Variants in NPFFR2 observed in about 807,000 individuals in gnomAD.
The protein encoded by NPFFR2 is G-protein coupled receptor 74.
Under a neutral mutation model 13.1 loss-of-function variants are expected in NPFFR2, and 15 were observed. That is an observed-to-expected ratio of 1.15 (90% CI 0.77 to 1.76). The LOEUF (loss-of-function observed/expected upper bound fraction) is 1.76, where lower values mean the gene tolerates loss of function less well. Ranked by LOEUF, NPFFR2 falls within the 40% of genes most tolerant of loss-of-function variation. The probability of loss-of-function intolerance (pLI) is 0.00; values close to 1 mark genes in which losing one functional copy is unlikely to be tolerated. For synonymous variants in NPFFR2, 190 were observed against 175.7 expected, an observed-to-expected ratio of 1.08 and a Z score of -0.65; for missense variants, 572 against 503.5, an observed-to-expected ratio of 1.14 and a Z score of -1.30.
chr4:72,100,573 A>G (rs1042684128), intron 1 of NPFFR2, among the ~76,000 whole-genome samples: 1 of 152,096 alleles, frequency 6.6e-6, no homozygotes, highest in African/African-American at 2.4e-5. Context: ...TAATACTAGT[A>G]CTATTATCAG....
chr4:72,111,332 G>T (rs532700028), intron 1 of NPFFR2, among the ~76,000 whole-genome samples: 2 of 152,092 alleles, frequency 1.3e-5, no homozygotes, highest in East Asian at 3.9e-4. Context: ...AATGCATATT[G>T]TACCTGGCTG....
intron 1 of NPFFR2, among the ~76,000 whole-genome samples, chr4:72,072,340 G>A (rs72856109): frequency 0.032 from 4,812 of 151,604 alleles, 246 homozygotes; most frequent in African/African-American, 0.11. Context: ...GTCAATGTAT[G>A]AAAAAAATAG....
At chr4:72,109,308 A>C (rs1331983096) in intron 1 of NPFFR2, among the ~76,000 whole-genome samples, 1 of 151,844 alleles carries the variant, frequency 6.6e-6, no homozygotes, top group Admixed American at 6.6e-5. Flanking sequence ...CCTCCTTTTA[A>C]CTTTTGGTAA....
At chr4:72,130,534 G>A (rs983257772) in intron 2 of NPFFR2, among the ~76,000 whole-genome samples, 11 of 152,118 alleles carry the variant, frequency 7.2e-5, no homozygotes, top group Non-Finnish European at 5.9e-5. Context: ...TTTTTGTGAT[G>A]TTTATCATTA....
At chr4:72,144,410 A>G (rs559361412) in intron 3 of NPFFR2, among the ~76,000 whole-genome samples, 8 of 152,344 alleles carry the variant, frequency 5.3e-5, no homozygotes, top group African/African-American at 7.2e-5. Context: ...GGAAAAAGGA[A>G]TAGAATTTGG....
intron 1 of NPFFR2, among the ~76,000 whole-genome samples, chr4:72,104,622 C>T (rs1397915427): frequency 6.6e-6 from 1 of 151,944 alleles, no homozygotes; most frequent in Non-Finnish European, 1.5e-5. Flanking sequence ...CCCGTTATGT[C>T]CCATGTTATA....
At chr4:72,073,447 G>A (rs1720325075) in intron 1 of NPFFR2, among the ~76,000 whole-genome samples, 1 of 151,944 alleles carries the variant, frequency 6.6e-6, no homozygotes, top group Non-Finnish European at 1.5e-5. Flanking sequence ...TGAAATTAAA[G>A]AACACTAAAT....
intron 1 of NPFFR2, among the ~76,000 whole-genome samples, chr4:72,115,495 G>A (rs10022581): frequency 0.072 from 11,014 of 152,190 alleles, 1,232 homozygotes; most frequent in African/African-American, 0.24. Flanking sequence ...CTTAGACCAA[G>A]TCTGAGCATG....
chr4:72,048,133 C>T (rs1488585659), intron 1 of NPFFR2, among the ~76,000 whole-genome samples: 1 of 152,044 alleles, frequency 6.6e-6, no homozygotes, highest in Admixed American at 6.6e-5. Flanking sequence ...TATATATACA[C>T]ACGTACGTAA....
At chr4:72,070,088 T>C (rs1720199967) in intron 1 of NPFFR2, among the ~76,000 whole-genome samples, 1 of 152,206 alleles carries the variant, frequency 6.6e-6, no homozygotes, top group East Asian at 1.9e-4. Context: ...TTTAGTAATT[T>C]ACTCAAGGTC....
At chr4:72,072,900 C>T (rs1250076937) in intron 1 of NPFFR2, among the ~76,000 whole-genome samples, 2 of 151,976 alleles carry the variant, frequency 1.3e-5, no homozygotes. Flanking sequence ...AGCATTTCCC[C>T]TATGGATAAG....
chr4:72,123,626 C>T (rs1056724954), intron 1 of NPFFR2, among the ~76,000 whole-genome samples: 10 of 152,132 alleles, frequency 6.6e-5, no homozygotes, highest in East Asian at 3.9e-4. Context: ...AATCAATCAA[C>T]GTAATCCATC....
chr4:72,128,684 T>C lies in NPFFR2; in HGVS notation c.93T>C (p.Asn31=), dbSNP rs1215378974. The change falls in exon 2 of 4, where the codon AAT becomes AAC. Residue 31 remains asparagine, a synonymous_variant. Coordinates refer to ENST00000308744, the MANE Select transcript of NPFFR2 (RefSeq NM_004885.3). ...DTKHHLYSDI[N]ITYVNYYLHQ... Reference sequence around the variant, plus strand: ...AGCATCATCTGTACTCAGATATTAATATTACCTATGTGAACTACTATCTTC... The same window carrying C: ...AGCATCATCTGTACTCAGATATTAACATTACCTATGTGAACTACTATCTTC... The C allele has an allele frequency of 1.9e-6, 3 of 1,613,714 alleles. No individual in the cohort carries two copies. The highest frequency in any genetic ancestry group is 2.5e-6 in the Non-Finnish European group (3 of 1,179,720).
intron 1 of NPFFR2, among the ~76,000 whole-genome samples, chr4:72,118,204 C>G (rs1358701802): frequency 6.6e-6 from 1 of 152,140 alleles, no homozygotes; most frequent in Non-Finnish European, 1.5e-5. Context: ...CTGCTTTTTA[C>G]TGATGGTGTG....
intron 1 of NPFFR2, among the ~76,000 whole-genome samples, chr4:72,115,161 T>G (rs2109822621): frequency 6.6e-6 from 1 of 152,266 alleles, no homozygotes; most frequent in East Asian, 1.9e-4. Flanking sequence ...TATAACAAAG[T>G]TACAATGAAT....
chr4:72,107,332 A>T (rs558347577), intron 1 of NPFFR2, among the ~76,000 whole-genome samples: 3 of 150,546 alleles, frequency 2.0e-5, no homozygotes, highest in Non-Finnish European at 4.4e-5. Context: ...CCTTGGCCAT[A>T]TTCACCTCAC....
chr4:72,145,214 G>GTA, intron 3 of NPFFR2, among the ~76,000 whole-genome samples: 1 of 149,696 alleles, frequency 6.7e-6, no homozygotes, highest in Middle Eastern at 3.5e-3. Context: ...AAATATATAA[G>GTA]TATATATACT....
chr4:72,128,109 C>T (rs1248082396), intron 1 of NPFFR2, among the ~76,000 whole-genome samples: 1 of 152,110 alleles, frequency 6.6e-6, no homozygotes, highest in Admixed American at 6.5e-5. Context: ...TTAATTGAGT[C>T]AGAGCAGAAT....
intron 3 of NPFFR2, among the ~76,000 whole-genome samples, chr4:72,146,070 T>C (rs959753462): frequency 1.5e-4 from 23 of 152,160 alleles, no homozygotes; most frequent in Admixed American, 3.9e-4. Flanking sequence ...ATGAATACTC[T>C]CAGATTTTTA....
Sources: allele counts gnomAD v4.1 joint callset (sites outside exome capture counted in the v4.1 genomes callset), GRCh38; gene constraint gnomAD v4.1.1; transcripts MANE v1.5; gene names NCBI Gene and HGNC (gene_info 2026-07-23, HGNC 2026-07-21).